Variants in ALDH7A1 observed in about 807,000 individuals in gnomAD.
ALDH7A1 encodes aldehyde dehydrogenase 7 family member A1, also known as alpha-aminoadipic semialdehyde dehydrogenase.
Under a neutral mutation model 79.9 loss-of-function variants are expected in ALDH7A1, and 63 were observed. The ratio of observed to expected loss-of-function variants is 0.79; its 90% confidence interval spans 0.64 to 0.97. The LOEUF (loss-of-function observed/expected upper bound fraction) is 0.97. Ranked by LOEUF, ALDH7A1 falls within the 50% of genes least tolerant of loss-of-function variation. The pLI, the probability that ALDH7A1 is intolerant of heterozygous loss-of-function variation, is 0.00. For synonymous variants in ALDH7A1, 240 were observed against 231.2 expected (o/e 1.04, Z -0.34); for missense variants, 627 against 665.2 (o/e 0.94, Z 0.63).
chr5:126,561,000 G>T (rs957032752), intron 10 of ALDH7A1, 83 bp downstream of exon 10: 15 of 1,473,976 alleles, frequency 1.0e-5, no homozygotes, highest in Admixed American at 1.0e-4. Flanking sequence ...GACGAAATGA[G>T]ATCCCAAACA....
chr5:126,552,362 G>T (rs1292882995), intron 13 of ALDH7A1, among the ~76,000 whole-genome samples: 1 of 152,118 alleles, frequency 6.6e-6, no homozygotes, highest in Non-Finnish European at 1.5e-5. Flanking sequence ...AGTCAGGCAG[G>T]GATAGAGAGC....
At chr5:126,564,491 T>A in intron 9 of ALDH7A1, 2 of 1,226,404 alleles carry the variant, frequency 1.6e-6, no homozygotes, top group Non-Finnish European at 2.1e-6. Flanking sequence ...TCGATTTCCT[T>A]AAGTGCACTT....
At chr5:126,561,716 T>C (rs1011321083) in intron 9 of ALDH7A1, 2 of 152,194 alleles carry the variant, frequency 1.3e-5, no homozygotes, top group African/African-American at 2.4e-5. Flanking sequence ...TTATCTGACA[T>C]TACTCAAGAA....
At chr5:126,576,944 A>T in intron 6 of ALDH7A1, 135 bp downstream of exon 6, 2 of 1,173,274 alleles carry the variant, frequency 1.7e-6, no homozygotes, top group Non-Finnish European at 2.5e-6. Context: ...ATAAAATAAA[A>T]TAAAGTTTTA....
chr5:126,561,480 C>CAG (rs942839079), intron 9 of ALDH7A1: 1 of 102,538 alleles, frequency 9.8e-6, no homozygotes, highest in African/African-American at 5.0e-5. Context: ...TATGCACCCA[C>CAG]AGAGTGTGTG....
chr5:126,566,877 T>C (rs758363292), intron 9 of ALDH7A1, among the ~76,000 whole-genome samples: 2 of 152,204 alleles, frequency 1.3e-5, no homozygotes, highest in Non-Finnish European at 2.9e-5. Context: ...TCTTCTTTAA[T>C]TTGCCAAATA....
intron 15 of ALDH7A1, 64 bp from the exon 16 acceptor site, chr5:126,550,066 TAAA>T: frequency 6.3e-7 from 1 of 1,581,742 alleles, no homozygotes; most frequent in East Asian, 2.2e-5. Flanking sequence ...CAAAAATAAA[TAAA>T]AAATCTAAAC....
intron 11 of ALDH7A1, among the ~76,000 whole-genome samples, chr5:126,558,937 A>G (rs755831446): frequency 6.6e-6 from 1 of 152,222 alleles, no homozygotes; most frequent in Non-Finnish European, 1.5e-5. Context: ...TGTTCTCTAA[A>G]TGACACTGGA....
chr5:126,551,729 ACTCT>A (rs1750006302), intron 14 of ALDH7A1, among the ~76,000 whole-genome samples: 1 of 152,064 alleles, frequency 6.6e-6, no homozygotes, highest in African/African-American at 2.4e-5. Context: ...GGAGAAGGTG[ACTCT>A]ATGGCCTACA....
At chr5:126,594,077 T>TAA in intron 1 of ALDH7A1, 1 of 369,862 alleles carries the variant, frequency 2.7e-6, no homozygotes. Context: ...AACTTTCTTT[T>TAA]AAAAAAAAAT....
chr5:126,565,857 T>C (rs1052185773), intron 9 of ALDH7A1, among the ~76,000 whole-genome samples: 4 of 152,226 alleles, frequency 2.6e-5, no homozygotes, highest in Admixed American at 2.0e-4. Flanking sequence ...CCTTTCCCCA[T>C]TGAAATGTCT....
At chr5:126,548,086 G>A (rs2112749042) in intron 16 of ALDH7A1, among the ~76,000 whole-genome samples, 1 of 152,148 alleles carries the variant, frequency 6.6e-6, no homozygotes, top group South Asian at 2.1e-4. Flanking sequence ...TAGCCTCTGG[G>A]AAAGGAGGAG....
intron 5 of ALDH7A1, 57 bp downstream of exon 5, chr5:126,582,794 T>A: frequency 1.2e-6 from 2 of 1,604,542 alleles, no homozygotes; most frequent in Non-Finnish European, 1.7e-6. Context: ...ATTTTATTTT[T>A]TTTGGAGCTC....
rs966076173 is a variant in ALDH7A1, at chr5:126,541,854, ATTATTT to A, written c.*3105_*3110del. The stretch of plus-strand genomic sequence containing the variant: ...CCAATTGTCTAATTGGAGTTGAGGA[ATTATTT>A]TTATTTTTAAAAGGGAAATTAACGT... On this transcript the variant is annotated 3_prime_UTR_variant, in exon 18 of 18. Coordinates refer to ENST00000409134, the MANE Select transcript of ALDH7A1 (RefSeq NM_001182.5). 2.6e-5 allele frequency: 4 copies of A among 152,206 alleles called. No homozygotes were observed. The highest frequency in any genetic ancestry group is 1.3e-4 in the Admixed American group (2 of 15,272). 9.4% of individuals were successfully genotyped at this position (152,206 alleles called of 1,614,324 possible).
intron 3 of ALDH7A1, among the ~76,000 whole-genome samples, chr5:126,590,157 C>T (rs1039165490): frequency 1.3e-5 from 2 of 149,866 alleles, no homozygotes; most frequent in Non-Finnish European, 3.0e-5. Flanking sequence ...GCCCGGCCGC[C>T]ACCCTGTCTG....
intron 2 of ALDH7A1, 23 bp downstream of exon 2, chr5:126,593,328 C>CACACACACACAA (rs1372191962): frequency 1.2e-6 from 2 of 1,610,538 alleles, no homozygotes; most frequent in East Asian, 4.5e-5. Flanking sequence ...CACACACACA[C>CACACACACACAA]ACACACACAC....
chr5:126,552,253 G>A (rs574597440), intron 13 of ALDH7A1, 116 bp from the exon 14 acceptor site: 5 of 721,626 alleles, frequency 6.9e-6, no homozygotes, highest in Non-Finnish European at 1.2e-5. Flanking sequence ...TCATTTATAG[G>A]TGAATTATTT....
intron 9 of ALDH7A1, 56 bp downstream of exon 9, chr5:126,568,203 G>T: frequency 6.4e-7 from 1 of 1,562,740 alleles, no homozygotes; most frequent in South Asian, 1.1e-5. Flanking sequence ...TCAACTTTTA[G>T]ATTTCACCTC....
rs150078141 is a variant in ALDH7A1, at chr5:126,566,523, A to G, written c.871+1736T>C. Among the ~76,000 whole-genome samples, 265 of 152,350 alleles carry G rather than the reference A, an allele frequency of 1.7e-3. 1 individual carries two copies. The highest frequency in any genetic ancestry group is 6.8e-3 in the Middle Eastern group (2 of 294). The stretch of plus-strand genomic sequence containing the variant: ...TACATAGTTAAACAGTTGACAGATT[A>G]GTCAAATGTTATCTTATGCTGGGGT... On this transcript the variant is annotated intron_variant, in intron 9 of 17. Coordinates refer to ENST00000409134, the MANE Select transcript of ALDH7A1 (RefSeq NM_001182.5).
Sources: allele counts gnomAD v4.1 joint callset (sites outside exome capture counted in the v4.1 genomes callset), GRCh38; gene constraint gnomAD v4.1.1; transcripts MANE v1.5; gene names NCBI Gene and HGNC (gene_info 2026-07-23, HGNC 2026-07-21).